Variants in KHDRBS2 observed in about 807,000 individuals in gnomAD.
KHDRBS2 encodes the protein KH domain-containing, RNA-binding, signal transduction-associated protein 2.
Under a neutral mutation model 44.3 loss-of-function variants are expected in KHDRBS2, and 26 were observed. The observed-to-expected ratio is 0.59, with a 90% confidence interval of 0.43 to 0.81. The LOEUF is 0.81. Ranked by LOEUF, KHDRBS2 falls within the 40% of genes least tolerant of loss-of-function variation. The probability of loss-of-function intolerance (pLI) is 0.00; values close to 1 mark genes in which losing one functional copy is unlikely to be tolerated. For synonymous variants in KHDRBS2, 194 were observed against 151.1 expected, an observed-to-expected ratio of 1.28 and a Z score of -2.08; for missense variants, 476 against 433.1, an observed-to-expected ratio of 1.10 and a Z score of -0.88.
intron 3 of KHDRBS2, among the ~76,000 whole-genome samples, chr6:62,040,686 G>T (rs571398852): frequency 1.3e-5 from 2 of 152,082 alleles, no homozygotes; most frequent in Non-Finnish European, 2.9e-5. Flanking sequence ...TGTAATTTTG[G>T]CTTTCTTCAC....
chr6:62,144,510 T>C (rs533304730), intron 2 of KHDRBS2, among the ~76,000 whole-genome samples: 16 of 152,048 alleles, frequency 1.1e-4, no homozygotes, highest in Admixed American at 2.6e-4. Flanking sequence ...AATACCTGTA[T>C]ACGTAAATTC....
the KHDRBS2 span, among the ~76,000 whole-genome samples, chr6:61,550,644 G>A: frequency 2.0e-5 from 3 of 151,820 alleles, no homozygotes; most frequent in Non-Finnish European, 2.9e-5. Flanking sequence ...TTTCCATAAT[G>A]GCTCAACTAA....
Position 62,156,879 on chromosome 6 carries a change from G to A in KHDRBS2, c.219+20306C>T, listed in dbSNP as rs1371627498. 5.6e-5 allele frequency among the ~76,000 whole-genome samples: 8 copies of A among 143,028 alleles called. No homozygotes were observed. In the East Asian group the frequency reaches 1.7e-3, roughly 30 times the overall value. 93.8% of individuals were successfully genotyped at this position (143,028 alleles called of 152,430 possible). A position where few individuals can be genotyped will look rare whatever the true frequency, so the allele number is the denominator to read the frequency against. ...TTTTTGTATTTTTAGTAGAGACGGG[G>A]TTTCACCGTGTTAGCCAGGATGGTC... is the stretch of plus-strand genomic sequence containing the variant. On this transcript the variant is annotated intron_variant, in intron 2 of 8. Coordinates refer to ENST00000281156, the MANE Select transcript of KHDRBS2 (RefSeq NM_152688.4).
chr6:61,640,664 T>C, the KHDRBS2 span, among the ~76,000 whole-genome samples: 1 of 152,266 alleles, frequency 6.6e-6, no homozygotes, highest in African/African-American at 2.4e-5. Context: ...TTTACTCTCT[T>C]ATCCTGAGAA....
the KHDRBS2 span, among the ~76,000 whole-genome samples, chr6:61,642,338 A>C: frequency 9.2e-5 from 14 of 152,202 alleles, no homozygotes; most frequent in South Asian, 2.1e-4. Flanking sequence ...ACTGAAATAC[A>C]TAACTCTTCA....
chr6:61,815,644 C>T (rs1788797405), intron 6 of KHDRBS2, among the ~76,000 whole-genome samples: 1 of 152,178 alleles, frequency 6.6e-6, no homozygotes, highest in South Asian at 2.1e-4. Context: ...GAAATATGGC[C>T]TCTGTGAACA....
At chr6:61,954,546 A>G (rs185024487) in intron 4 of KHDRBS2, among the ~76,000 whole-genome samples, 6 of 147,458 alleles carry the variant, frequency 4.1e-5, no homozygotes, top group Non-Finnish European at 7.5e-5. Context: ...GTATACATAT[A>G]TATGTATATA....
Position 61,826,150 on chromosome 6 carries a change from G to T in KHDRBS2, c.810+68485C>A, listed in dbSNP as rs565904525. 5.3e-5 allele frequency among the ~76,000 whole-genome samples: 8 copies of T among 152,170 alleles called. 1 individual carries two copies. The South Asian group carries it at 1.5e-3, about 28-fold the overall frequency. The stretch of plus-strand genomic sequence containing the variant: ...ACCTGGTCTTCATGTAAAGAACTGT[G>T]GCATTTTTTAGGGGTTTTATGGGCA... On this transcript the variant is annotated intron_variant, in intron 6 of 8. Coordinates refer to ENST00000281156, the MANE Select transcript of KHDRBS2 (RefSeq NM_152688.4).
the KHDRBS2 span, among the ~76,000 whole-genome samples, chr6:61,656,807 T>C: frequency 1.2e-4 from 19 of 152,006 alleles, no homozygotes; most frequent in African/African-American, 4.6e-4. Flanking sequence ...GTATATACCA[T>C]GCACGTGATG....
At position 61,732,613 on chromosome 6, in the gene KHDRBS2, T is replaced by A. The variant is rs372580609; in HGVS notation, c.893+69A>T. 7.3e-5 allele frequency: 64 copies of A among 878,914 alleles called. No individual in the cohort carries two copies. The East Asian group carries it at 8.2e-4, about 11-fold the overall frequency. 54.4% of individuals were successfully genotyped at this position (878,914 alleles called of 1,614,324 possible). ...AATTCTCACATGATATAATTGACATTCAGATTCAAGAAACAAAATTGATTA... is the reference window on the plus strand; with the variant it reads ...AATTCTCACATGATATAATTGACATACAGATTCAAGAAACAAAATTGATTA... On this transcript the variant is annotated intron_variant, in intron 7 of 8. Coordinates refer to ENST00000281156, the MANE Select transcript of KHDRBS2 (RefSeq NM_152688.4).
intron 3 of KHDRBS2, among the ~76,000 whole-genome samples, chr6:62,023,634 G>A (rs1044903663): frequency 6.6e-6 from 1 of 151,366 alleles, no homozygotes; most frequent in African/African-American, 2.4e-5. Flanking sequence ...TGTATTTAAT[G>A]TAATACATTA....
At chr6:61,677,699 T>G (rs1020247176), downstream of KHDRBS2, among the ~76,000 whole-genome samples, 3 of 151,940 alleles carry the variant, frequency 2.0e-5, no homozygotes, top group Non-Finnish European at 4.4e-5. Flanking sequence ...AACTGGGAAC[T>G]GACTTGAACC....
intron 1 of KHDRBS2, among the ~76,000 whole-genome samples, chr6:62,263,664 C>T (rs1353977118): frequency 6.6e-6 from 1 of 151,550 alleles, no homozygotes; most frequent in African/African-American, 2.4e-5. Context: ...ATAGTGAATG[C>T]TTTGTGTTTC....
intron 6 of KHDRBS2, among the ~76,000 whole-genome samples, chr6:61,858,479 A>C (rs935891253): frequency 3.3e-5 from 5 of 151,846 alleles, no homozygotes; most frequent in African/African-American, 1.2e-4. Context: ...TTTAACTGAA[A>C]ATGTTTTTGA....
At chr6:61,806,148 C>T (rs1385622006) in intron 6 of KHDRBS2, among the ~76,000 whole-genome samples, 1 of 152,158 alleles carries the variant, frequency 6.6e-6, no homozygotes, top group South Asian at 2.1e-4. Context: ...GTGTGGTCTA[C>T]ATTCTCCTTT....
chr6:61,991,847 G>A (rs1473076625), intron 3 of KHDRBS2, among the ~76,000 whole-genome samples: 1 of 152,158 alleles, frequency 6.6e-6, no homozygotes, highest in Non-Finnish European at 1.5e-5. Context: ...GACTACAAAG[G>A]CTGCTGAAGA....
At chr6:61,970,905 GGGA>G (rs752567065) in intron 4 of KHDRBS2, among the ~76,000 whole-genome samples, 1 of 152,092 alleles carries the variant, frequency 6.6e-6, no homozygotes, top group Non-Finnish European at 1.5e-5. Flanking sequence ...CTAAGCCTGT[GGGA>G]GGAGAAGAGT....
chr6:62,241,958 T>C (rs1306265721), intron 1 of KHDRBS2, among the ~76,000 whole-genome samples: 1 of 152,192 alleles, frequency 6.6e-6, no homozygotes, highest in Non-Finnish European at 1.5e-5. Context: ...TGTCAACTTG[T>C]AGCATTTCAA....
At chr6:62,258,178 A>C (rs1048232855) in intron 1 of KHDRBS2, among the ~76,000 whole-genome samples, 2 of 152,044 alleles carry the variant, frequency 1.3e-5, no homozygotes, top group Admixed American at 1.3e-4. Flanking sequence ...AAGAAACATG[A>C]GATGCAGTTG....
Sources: allele counts gnomAD v4.1 joint callset (sites outside exome capture counted in the v4.1 genomes callset), GRCh38; gene constraint gnomAD v4.1.1; transcripts MANE v1.5; gene names NCBI Gene and HGNC (gene_info 2026-07-23, HGNC 2026-07-21).